The following NAALADL2 variants were observed in gnomAD, a reference collection of about 807,000 sequenced individuals.
The protein encoded by NAALADL2 is N-acetylated alpha-linked acidic dipeptidase like 2.
In NAALADL2, 76 loss-of-function variants were observed where a neutral mutation model predicts 87.2. That is an observed-to-expected ratio of 0.87 (90% CI 0.72 to 1.05). The LOEUF (loss-of-function observed/expected upper bound fraction) is 1.05. Among genes scored for constraint, NAALADL2 ranks in the 50% least tolerant of loss-of-function variants. NAALADL2 has a pLI of 0.00. For synonymous variants in NAALADL2, 354 were observed against 331.0 expected (o/e 1.07, Z -0.75); for missense variants, 1,089 against 945.8 (o/e 1.15, Z -1.99).
intron 13 of NAALADL2, among the ~76,000 whole-genome samples, chr3:175,780,975 T>A (rs1206166286): frequency 6.6e-6 from 1 of 152,218 alleles, no homozygotes; most frequent in Non-Finnish European, 1.5e-5. Flanking sequence ...GAGAGATTAA[T>A]GGTGAAGCTA....
chr3:175,347,459 A>C (rs1391668057), intron 5 of NAALADL2, among the ~76,000 whole-genome samples: 1 of 152,176 alleles, frequency 6.6e-6, no homozygotes, highest in African/African-American at 2.4e-5. Context: ...ATAGTGATTG[A>C]ATCAGCTACT....
At chr3:174,970,638 C>T (rs1434652712) in intron 1 of NAALADL2, among the ~76,000 whole-genome samples, 2 of 152,146 alleles carry the variant, frequency 1.3e-5, no homozygotes, top group Admixed American at 1.3e-4. Context: ...AGTGGATCCT[C>T]CCTAAACCCC....
intron 5 of NAALADL2, among the ~76,000 whole-genome samples, chr3:175,341,858 G>A (rs910415306): frequency 6.6e-6 from 1 of 152,056 alleles, no homozygotes; most frequent in Admixed American, 6.6e-5. Flanking sequence ...ATGGTATGAT[G>A]TAGGAGTCCA....
At chr3:175,043,430 G>C (rs1048467850) in intron 1 of NAALADL2, among the ~76,000 whole-genome samples, 42 of 152,108 alleles carry the variant, frequency 2.8e-4, no homozygotes, top group African/African-American at 9.4e-4. Flanking sequence ...GTAGAGATGG[G>C]ATTTTATCAC....
intron 2 of NAALADL2, among the ~76,000 whole-genome samples, chr3:174,658,515 A>G (rs1345335878): frequency 6.6e-6 from 1 of 151,954 alleles, no homozygotes; most frequent in Non-Finnish European, 1.5e-5. Context: ...TTGTGTAAGT[A>G]TTTTTCCAGA....
intron 11 of NAALADL2, among the ~76,000 whole-genome samples, chr3:175,674,565 C>T (rs114403002): frequency 0.02 from 3,082 of 152,016 alleles, 112 homozygotes; most frequent in African/African-American, 0.071. Context: ...TGCCCGGCGA[C>T]AGTTTGTTTT....
intron 1 of NAALADL2, among the ~76,000 whole-genome samples, chr3:174,979,978 T>C (rs1207246957): frequency 6.6e-6 from 1 of 152,166 alleles, no homozygotes; most frequent in Non-Finnish European, 1.5e-5. Context: ...ATTTGACTTC[T>C]TGTGACCACT....
intron 1 of NAALADL2, among the ~76,000 whole-genome samples, chr3:174,942,317 G>T (rs55927807): frequency 6.6e-6 from 1 of 151,976 alleles, no homozygotes; most frequent in African/African-American, 2.4e-5. Context: ...ATATGAAATT[G>T]TTGGTTGCAT....
intron 1 of NAALADL2, among the ~76,000 whole-genome samples, chr3:174,998,191 A>G (rs1163195619): frequency 6.6e-6 from 1 of 152,216 alleles, no homozygotes; most frequent in Non-Finnish European, 1.5e-5. Context: ...ATTATGTATG[A>G]ATTCATTTGA....
At chr3:175,313,149 C>T (rs556768455) in intron 4 of NAALADL2, among the ~76,000 whole-genome samples, 1 of 152,160 alleles carries the variant, frequency 6.6e-6, no homozygotes, top group East Asian at 1.9e-4. Flanking sequence ...TCTTTTGCTT[C>T]TGAGTACCTG....
intron 1 of NAALADL2, among the ~76,000 whole-genome samples, chr3:174,989,346 G>A (rs1414774264): frequency 6.6e-6 from 1 of 152,180 alleles, no homozygotes; most frequent in African/African-American, 2.4e-5. Flanking sequence ...GCATGTAATT[G>A]TAAATTTTTC....
chr3:175,112,105 A>G (rs1180289264), intron 2 of NAALADL2, among the ~76,000 whole-genome samples: 4 of 151,636 alleles, frequency 2.6e-5, no homozygotes, highest in Non-Finnish European at 4.4e-5. Context: ...AAACAATATT[A>G]CCTGCTATTT....
chr3:174,760,682 G>T (rs983171403), intron 3 of NAALADL2, among the ~76,000 whole-genome samples: 4 of 152,194 alleles, frequency 2.6e-5, no homozygotes, highest in Non-Finnish European at 5.9e-5. Context: ...TGCTTTCTTT[G>T]TGCATAGGTT....
chr3:174,699,586 A>G (rs1184641658), intron 2 of NAALADL2, among the ~76,000 whole-genome samples: 3 of 151,832 alleles, frequency 2.0e-5, no homozygotes, highest in Admixed American at 6.6e-5. Flanking sequence ...ATTTAATTTG[A>G]TTCAATTCTT....
intron 2 of NAALADL2, among the ~76,000 whole-genome samples, chr3:174,709,857 G>T (rs9882444): frequency 6.6e-6 from 1 of 151,936 alleles, no homozygotes; most frequent in Non-Finnish European, 1.5e-5. Context: ...TTGGAGGGCC[G>T]TATAGTGGAA....
At chr3:175,167,280 A>C (rs562717692) in intron 2 of NAALADL2, among the ~76,000 whole-genome samples, 1 of 152,218 alleles carries the variant, frequency 6.6e-6, no homozygotes, top group African/African-American at 2.4e-5. Flanking sequence ...AAAAGAGGTT[A>C]AACTCCTGCC....
At chr3:174,580,769 T>C (rs1716080510) in intron 2 of NAALADL2, among the ~76,000 whole-genome samples, 1 of 152,160 alleles carries the variant, frequency 6.6e-6, no homozygotes, top group East Asian at 1.9e-4. Context: ...AAATTTGGCT[T>C]ATTTTCAGCT....
At position 175,013,297 on chromosome 3, in the gene NAALADL2, A is replaced by ATTTTTT. The variant is rs1293274493; in HGVS notation, c.44-83492_44-83491insTTTTTT. 3.9e-4 allele frequency among the ~76,000 whole-genome samples: 30 copies of ATTTTTT among 77,554 alleles called. 4 individuals are homozygous for ATTTTTT. Among genetic ancestry groups the ATTTTTT allele is most frequent in the Admixed American group, 5.0e-4 (3 of 5,958 alleles). 50.9% of individuals were successfully genotyped at this position (77,554 alleles called of 152,430 possible). On this transcript the variant is annotated intron_variant, in intron 1 of 13. Transcript: ENST00000454872. ...TATATACATATATATATATATATAT[A>ATTTTTT]TATATTTTTTTTTTTTTTTGAGACA...
intron 2 of NAALADL2, among the ~76,000 whole-genome samples, chr3:175,128,854 C>CA (rs960587000): frequency 9.2e-5 from 14 of 151,830 alleles, no homozygotes; most frequent in Admixed American, 9.2e-4. Context: ...ATTTAACTCA[C>CA]AAAAAATGTA....
Sources: gnomAD v4.1 joint callset for allele counts (sites outside exome capture counted in the v4.1 genomes callset) on GRCh38, gnomAD v4.1.1 for gene constraint, MANE v1.5 for transcripts, NCBI Gene and HGNC (gene_info 2026-07-23, HGNC 2026-07-21) for gene names.